The following FAM135A variants were observed in gnomAD, a reference collection of about 807,000 sequenced individuals.
FAM135A encodes the protein family with sequence similarity 135 member A, also known as protein FAM135A.
FAM135A carries 79 observed loss-of-function variants against 146.8 expected under a neutral mutation model. That is an observed-to-expected ratio of 0.54 (90% CI 0.45 to 0.65). FAM135A has a LOEUF of 0.65. FAM135A is among the 30% of genes least tolerant of loss of function. FAM135A has a pLI of 0.00. For missense variants in FAM135A, 1,623 were observed against 1,758.2 expected, an observed-to-expected ratio of 0.92 and a Z score of 1.38; for synonymous variants, 562 against 603.6, an observed-to-expected ratio of 0.93 and a Z score of 1.01.
intron 8 of FAM135A, among the ~76,000 whole-genome samples, chr6:70,478,468 T>C (rs2128169101): frequency 6.6e-6 from 1 of 152,292 alleles, no homozygotes; most frequent in East Asian, 1.9e-4. Flanking sequence ...GGTAAACTGA[T>C]TTATCAGAAA....
At chr6:70,553,005 C>T (rs992034139) in intron 20 of FAM135A, among the ~76,000 whole-genome samples, 4 of 152,056 alleles carry the variant, frequency 2.6e-5, no homozygotes, top group Non-Finnish European at 5.9e-5. Context: ...TATTTTACAT[C>T]TTTTTTTCAA....
chr6:70,491,948 A>G (rs1274043335), intron 11 of FAM135A, among the ~76,000 whole-genome samples: 1 of 151,914 alleles, frequency 6.6e-6, no homozygotes, highest in African/African-American at 2.4e-5. Flanking sequence ...GATAATCACT[A>G]AAAGATATCA....
At chr6:70,446,791 A>G (rs1268983417) in intron 4 of FAM135A, among the ~76,000 whole-genome samples, 1 of 152,186 alleles carries the variant, frequency 6.6e-6, no homozygotes, top group East Asian at 1.9e-4. Context: ...ACTACCATTA[A>G]GTTACTCATT....
chr6:70,517,342 G>C (rs916459881), intron 12 of FAM135A, among the ~76,000 whole-genome samples: 1 of 151,882 alleles, frequency 6.6e-6, no homozygotes, highest in Non-Finnish European at 1.5e-5. Flanking sequence ...ACCAGCCTGG[G>C]CAAGATGGGG....
At chr6:70,477,795 T>C (rs1782912079) in intron 8 of FAM135A, among the ~76,000 whole-genome samples, 1 of 152,190 alleles carries the variant, frequency 6.6e-6, no homozygotes, top group African/African-American at 2.4e-5. Context: ...ACGTGTACTT[T>C]GCTAAAGATA....
At chr6:70,507,511 G>C (rs554905634) in intron 12 of FAM135A, among the ~76,000 whole-genome samples, 3 of 152,152 alleles carry the variant, frequency 2.0e-5, no homozygotes, top group Non-Finnish European at 4.4e-5. Flanking sequence ...CTCCTTATTG[G>C]TGTGAAAGCA....
intron 4 of FAM135A, among the ~76,000 whole-genome samples, chr6:70,431,849 C>T (rs73474974): frequency 0.046 from 7,030 of 152,122 alleles, 356 homozygotes; most frequent in African/African-American, 0.11. Flanking sequence ...GAAACCATTA[C>T]TGTTTATAAA....
At chr6:70,451,714 C>T (rs530671953) in intron 4 of FAM135A, among the ~76,000 whole-genome samples, 3 of 152,164 alleles carry the variant, frequency 2.0e-5, no homozygotes, top group South Asian at 4.1e-4. Context: ...TGAAACCGCT[C>T]TCTAGGATAT....
intron 10 of FAM135A, chr6:70,486,266 G>A: frequency 1.2e-6 from 2 of 1,601,012 alleles, no homozygotes; most frequent in East Asian, 2.2e-5. Flanking sequence ...AATAGCTTAA[G>A]TAAATGATCC....
At chr6:70,455,276 G>T (rs185171745) in intron 5 of FAM135A, among the ~76,000 whole-genome samples, 1 of 151,886 alleles carries the variant, frequency 6.6e-6, no homozygotes, top group Admixed American at 6.6e-5. Context: ...CATTGATTTC[G>T]TTATCCTGAG....
At chr6:70,543,855 T>C (rs1288315802) in intron 20 of FAM135A, among the ~76,000 whole-genome samples, 1 of 152,214 alleles carries the variant, frequency 6.6e-6, no homozygotes, top group Non-Finnish European at 1.5e-5. Flanking sequence ...ATTTTTTTCT[T>C]TTAAGTTATT....
intron 10 of FAM135A, chr6:70,486,377 C>A: frequency 3.0e-6 from 2 of 666,632 alleles, no homozygotes; most frequent in Non-Finnish European, 4.7e-6. Flanking sequence ...GAAGAACTTA[C>A]CTTTAAAATC....
At position 70,524,987 on chromosome 6, in the gene FAM135A, G is replaced by T. The variant is rs750920559; in HGVS notation, c.1903G>T (p.Ala635Ser). 6 of 1,602,272 alleles carry T rather than the reference G, an allele frequency of 3.7e-6. No homozygotes were observed. Among genetic ancestry groups the T allele is most frequent in the Non-Finnish European group, 3.4e-6 (4 of 1,175,522 alleles). Residue 635 changes from alanine (A) to serine (S), a missense_variant, in exon 15 of 22, where the codon GCA becomes TCA. By Grantham distance (99) the Ala-to-Ser change is moderately conservative. This residue lies in a region of FAM135A where 1,061 missense variants were observed against 1,113.8 expected (regional missense o/e 0.95). Transcript: ENST00000418814. ...SEITQMEHNLASRRSSDDCHD... is the reference protein window; with the variant it reads ...SEITQMEHNLSSRRSSDDCHD... Reference sequence around the variant, plus strand: ...AATTACACAAATGGAACACAATCTGGCATCCAGAAGGTCATCAGACGATTG... The same window carrying T: ...AATTACACAAATGGAACACAATCTGTCATCCAGAAGGTCATCAGACGATTG...
intron 12 of FAM135A, among the ~76,000 whole-genome samples, chr6:70,508,140 A>G (rs1790213637): frequency 6.6e-6 from 1 of 152,194 alleles, no homozygotes; most frequent in African/African-American, 2.4e-5. Context: ...TTAGGGATCC[A>G]AAATATTTTA....
chr6:70,499,106 G>A (rs1787949370), intron 11 of FAM135A, among the ~76,000 whole-genome samples: 1 of 152,164 alleles, frequency 6.6e-6, no homozygotes, highest in Non-Finnish European at 1.5e-5. Flanking sequence ...TTGTGTGGGA[G>A]TCTAAGTCTC....
intron 5 of FAM135A, among the ~76,000 whole-genome samples, chr6:70,470,257 A>G (rs1339783565): frequency 3.9e-5 from 6 of 152,210 alleles, no homozygotes; most frequent in Admixed American, 6.5e-5. Flanking sequence ...ATTATCTCAC[A>G]GTTTCTGTGT....
intron 4 of FAM135A, among the ~76,000 whole-genome samples, chr6:70,441,061 T>A (rs1208475): frequency 0.075 from 11,405 of 152,184 alleles, 1,419 homozygotes; most frequent in African/African-American, 0.26. Context: ...TTTGTGCCAA[T>A]ATAAACTCAT....
chr6:70,485,855 G>A (rs566596694), intron 10 of FAM135A, among the ~76,000 whole-genome samples: 61 of 152,110 alleles, frequency 4.0e-4, no homozygotes, highest in African/African-American at 1.4e-3. Context: ...AAGTCACATA[G>A]CCTATATGAA....
At chr6:70,475,343 A>G (rs1782417454) in intron 5 of FAM135A, 67 bp from the exon 6 acceptor site, 1 of 1,281,104 alleles carries the variant, frequency 7.8e-7, no homozygotes, top group Non-Finnish European at 1.1e-6. Flanking sequence ...ATTTTAAAGT[A>G]CAAGTGTTAA....
Sources: gnomAD v4.1 joint callset for allele counts (sites outside exome capture counted in the v4.1 genomes callset) on GRCh38, gnomAD v4.1.1 for gene constraint, gnomAD v4.1.1 regional missense constraint, MANE v1.5 for transcripts, NCBI Gene and HGNC (gene_info 2026-07-23, HGNC 2026-07-21) for gene names.